Variants in RASA3 observed in about 807,000 individuals in gnomAD.
The protein encoded by RASA3 is RAS p21 protein activator 3, also known as ras GTPase-activating protein 3.
A neutral mutation model predicts 110.0 loss-of-function variants in RASA3; 73 were observed. The ratio of observed to expected loss-of-function variants is 0.66; its 90% CI spans 0.55 to 0.81. The LOEUF (loss-of-function observed/expected upper bound fraction) is 0.81. Among genes scored for constraint, RASA3 ranks in the 30% least tolerant of loss-of-function variants. RASA3 has a pLI of 0.00. For missense variants in RASA3, 976 were observed against 1,113.2 expected, an observed-to-expected ratio of 0.88 and a Z score of 1.75; for synonymous variants, 500 against 451.4, an observed-to-expected ratio of 1.11 and a Z score of -1.37.
chr13:113,981,966 GC>G, intron 22 of RASA3, 108 bp from the exon 23 acceptor site: 1 of 995,420 alleles, frequency 1.0e-6, no homozygotes, highest in Non-Finnish European at 1.5e-6. Flanking sequence ...TCCTTCCAAC[GC>G]AAGCTCCTCC....
chr13:114,080,471 G>A (rs1158830560), intron 1 of RASA3, among the ~76,000 whole-genome samples: 7 of 152,164 alleles, frequency 4.6e-5, no homozygotes, highest in East Asian at 1.9e-4. Flanking sequence ...CAGTCTCCAC[G>A]GCTCTTCAGA....
chr13:114,117,464 G>A (rs1156324446), intron 1 of RASA3, among the ~76,000 whole-genome samples: 2 of 146,972 alleles, frequency 1.4e-5, no homozygotes, highest in African/African-American at 5.1e-5. Flanking sequence ...CGTGCGTGAG[G>A]GGTGCACATC....
chr13:114,104,646 G>C (rs576489688), intron 1 of RASA3, among the ~76,000 whole-genome samples: 22 of 152,158 alleles, frequency 1.4e-4, no homozygotes, highest in Admixed American at 1.4e-3. Context: ...AGCCTGAACC[G>C]CACAAGATTT....
rs1403693864 is a variant in RASA3 at position 113,978,675 on chromosome 13, G to C, written c.*672C>G. 6.6e-6 allele frequency: 1 copy of C among 152,382 alleles called. No individual in the cohort carries two copies. The highest frequency in any genetic ancestry group is 1.5e-5 in the Non-Finnish European group (1 of 68,210). The allele number at this position is 152,382 out of a possible 1,614,324, so 9.4% of individuals were successfully genotyped here. Reference sequence around the variant, plus strand: ...TTCCCTCCAAGGGACTCTGTGGACAGAACCCGTATCCCCCAAGCACCAAGG... The same window carrying C: ...TTCCCTCCAAGGGACTCTGTGGACACAACCCGTATCCCCCAAGCACCAAGG... On this transcript the variant is annotated 3_prime_UTR_variant, in exon 24 of 24. Coordinates refer to ENST00000334062, the MANE Select transcript of RASA3 (RefSeq NM_007368.4).
At position 114,032,619 on chromosome 13, in the gene RASA3, C is replaced by T. The variant is rs1026327587; in HGVS notation, c.373-2732G>A. On this transcript the variant is annotated intron_variant, in intron 4 of 23. Transcript: ENST00000334062. The stretch of plus-strand genomic sequence containing the variant: ...ACTTGACACCGCGTCGGTGCAGCCC[C>T]ACGGCACCCCCACACTTGATACTAT... 5.3e-5 allele frequency among the ~76,000 whole-genome samples: 8 copies of T among 151,992 alleles called. No homozygotes were observed. The East Asian group carries it at 1.3e-3, about 26-fold the overall frequency.
In RASA3 at chr13:114,008,938, TGCG is replaced by T. The variant is rs1346927460; in HGVS notation, c.1668+446_1668+448del. Among the ~76,000 whole-genome samples the T allele has an allele frequency of 7.2e-4, 73 of 101,032 alleles. 8 individuals are homozygous for T. Among genetic ancestry groups the T allele is most frequent in the East Asian group, 5.4e-3 (20 of 3,684 alleles). 66.3% of individuals were successfully genotyped at this position (101,032 alleles called of 152,430 possible). A position where few individuals can be genotyped will look rare whatever the true frequency, so the allele number is the denominator to read the frequency against. ...CTGACTGTGGGGAGGAGCAGAGCCC[TGCG>T]GTCTGGATGTTCCCCACGCACCGCG... On this transcript the variant is annotated intron_variant, in intron 17 of 23. Transcript: ENST00000334062.
intron 22 of RASA3, among the ~76,000 whole-genome samples, chr13:113,990,239 T>C (rs1361697924): frequency 6.6e-6 from 1 of 152,086 alleles, no homozygotes. Context: ...ACATGAGAAC[T>C]AATACACCAG....
rs1426415890 is a variant in RASA3, at chr13:114,018,871, G to A, written c.834C>T (p.Asp278=). Residue 278 remains aspartate, a synonymous_variant, in exon 10 of 24, where the codon GAC becomes GAT. Transcript: ENST00000334062. ...RDNGSKSLKP[D]DLGSLRLNVV... ...CGTTCAGCCGCAGGGAGCCCAGGTC[G>A]TCTGGCTTTAGGCTCTTGCTACCAT... 2.5e-6 allele frequency: 4 copies of A among 1,613,962 alleles called. No homozygotes were observed. Among genetic ancestry groups the A allele is most frequent in the African/African-American group, 1.3e-5 (1 of 75,064 alleles).
chr13:114,011,115 AAG>A lies in RASA3; in HGVS notation c.1590+54_1590+55del, dbSNP rs1371876951. On this transcript the variant is annotated intron_variant, in intron 16 of 23. Transcript: ENST00000334062. This position sits in a 1 kb window ranked among gnomAD's most constrained non-coding sequence, Gnocchi z 4.8. ...GGAGGTTTTTCACGTGTATTTTCTG[AAG>A]AGAGAAAAGAATCAGTTGTCCCTAA... 1.0e-5 allele frequency: 15 copies of A among 1,459,438 alleles called. No homozygotes were observed. The highest frequency in any genetic ancestry group is 1.4e-5 in the Non-Finnish European group (15 of 1,048,328). 90.4% of individuals were successfully genotyped at this position (1,459,438 alleles called of 1,614,324 possible). A position where few individuals can be genotyped will look rare whatever the true frequency, so the allele number is the denominator to read the frequency against.
At chr13:114,091,844 G>A (rs907885058) in intron 1 of RASA3, among the ~76,000 whole-genome samples, 5 of 151,978 alleles carry the variant, frequency 3.3e-5, no homozygotes, top group African/African-American at 1.2e-4. Flanking sequence ...TTTGCTGGGA[G>A]ATTTTTTGTT....
intron 1 of RASA3, among the ~76,000 whole-genome samples, chr13:114,083,604 A>G (rs2079818505): frequency 8.2e-6 from 1 of 121,918 alleles, no homozygotes. Flanking sequence ...CTCGCGGGGA[A>G]ATCACGGGGA....
intron 4 of RASA3, among the ~76,000 whole-genome samples, chr13:114,039,464 A>G (rs917806060): frequency 6.6e-6 from 1 of 152,086 alleles, no homozygotes; most frequent in African/African-American, 2.4e-5. Context: ...CTGAGGACCC[A>G]GGAAGCCGTC....
intron 18 of RASA3, among the ~76,000 whole-genome samples, chr13:114,002,962 C>T (rs1353827030): frequency 6.6e-6 from 1 of 152,238 alleles, no homozygotes; most frequent in East Asian, 1.9e-4. Context: ...TGAGGACACA[C>T]ACAGCCCTGA....
chr13:114,045,261 G>A (rs1258908854), intron 3 of RASA3, among the ~76,000 whole-genome samples: 1 of 152,218 alleles, frequency 6.6e-6, no homozygotes, highest in Non-Finnish European at 1.5e-5. Flanking sequence ...ATCTATTTGA[G>A]TCACACCGAA....
intron 1 of RASA3, among the ~76,000 whole-genome samples, chr13:114,079,426 A>AC (rs1253969604): frequency 6.6e-6 from 1 of 152,190 alleles, no homozygotes; most frequent in East Asian, 1.9e-4. Context: ...AAGGCTCCCA[A>AC]CCTCAGCCTT....
chr13:114,062,482 G>A (rs1413396783), intron 2 of RASA3, among the ~76,000 whole-genome samples: 4 of 152,096 alleles, frequency 2.6e-5, no homozygotes, highest in Admixed American at 6.5e-5. Context: ...TTCCTCCGAC[G>A]TTCAACACAC....
chr13:113,988,409 G>A (rs1186678466), intron 22 of RASA3, among the ~76,000 whole-genome samples: 2 of 6,104 alleles, frequency 3.3e-4, no homozygotes, highest in Non-Finnish European at 4.6e-4. Context: ...TCACCCATCC[G>A]TCCATCCACC....
chr13:114,057,540 C>T lies in RASA3; in HGVS notation c.174-5385G>A, dbSNP rs1016898423. The T allele has an allele frequency of 2.0e-5, 20 of 982,060 alleles. No individual in the cohort carries two copies. Among genetic ancestry groups the T allele is most frequent in the Non-Finnish European group, 2.1e-5 (17 of 827,054 alleles). 60.8% of individuals were successfully genotyped at this position (982,060 alleles called of 1,614,324 possible). ...TGATTTATTTAGGGAATAAGAAGGGCGATTCCAGGGACAGTGGAGGCCCCC... is the reference window on the plus strand; with the variant it reads ...TGATTTATTTAGGGAATAAGAAGGGTGATTCCAGGGACAGTGGAGGCCCCC... On this transcript the variant is annotated intron_variant, in intron 2 of 23. Coordinates refer to ENST00000334062, the MANE Select transcript of RASA3 (RefSeq NM_007368.4). The surrounding 1 kb of genome is among the most constrained non-coding windows in gnomAD (Gnocchi z 5.0).
At chr13:114,018,991 A>G in intron 9 of RASA3, 72 bp from the exon 10 acceptor site, 7 of 1,580,308 alleles carry the variant, frequency 4.4e-6, no homozygotes, top group Non-Finnish European at 6.1e-6. Context: ...AGGGAAGCCC[A>G]GCTGCCTGCT....
Sources: allele counts gnomAD v4.1 joint callset (sites outside exome capture counted in the v4.1 genomes callset), GRCh38; gene constraint gnomAD v4.1.1; non-coding constraint Gnocchi (gnomAD v3.1); transcripts MANE v1.5; gene names NCBI Gene and HGNC (gene_info 2026-07-23, HGNC 2026-07-21).